Variants in IFT74 observed in about 807,000 individuals in gnomAD.
IFT74 encodes the protein intraflagellar transport 74, also known as intraflagellar transport protein 74 homolog.
A neutral mutation model predicts 96.7 loss-of-function variants in IFT74; 92 were observed. The ratio of observed to expected loss-of-function variants is 0.95; its 90% CI spans 0.80 to 1.13. The LOEUF is 1.13. IFT74 is among the 50% of genes most tolerant of loss of function. The pLI, the probability that IFT74 is intolerant of heterozygous loss-of-function variation, is 0.00. For synonymous variants in IFT74, 223 were observed against 213.2 expected, an observed-to-expected ratio of 1.05 and a Z score of -0.40; for missense variants, 811 against 698.2, an observed-to-expected ratio of 1.16 and a Z score of -1.82.
At chr9:27,005,022 A>G (rs1828696300) in intron 8 of IFT74, among the ~76,000 whole-genome samples, 1 of 152,186 alleles carries the variant, frequency 6.6e-6, no homozygotes, top group Non-Finnish European at 1.5e-5. Flanking sequence ...ATCTAAATGT[A>G]GTTTTTCCAT....
chr9:27,036,815 A>G (rs1289412686), intron 13 of IFT74: 3 of 1,067,788 alleles, frequency 2.8e-6, no homozygotes, highest in African/African-American at 1.7e-5. Context: ...CGTGTGATTT[A>G]CCAAAGTGAC....
chr9:26,967,296 A>G (rs1826667531), intron 2 of IFT74, among the ~76,000 whole-genome samples: 1 of 151,798 alleles, frequency 6.6e-6, no homozygotes, highest in Non-Finnish European at 1.5e-5. Flanking sequence ...TATAGTTTTC[A>G]TTGTAGAGAT....
intron 4 of IFT74, chr9:26,982,451 A>ATTTT (rs56756518): frequency 9.4e-4 from 203 of 215,646 alleles, no homozygotes; most frequent in South Asian, 1.7e-3. Flanking sequence ...TAATTTTTGT[A>ATTTT]TTTTTTTTTT....
chr9:27,019,220 G>A (rs960527620), intron 12 of IFT74, among the ~76,000 whole-genome samples: 7 of 152,056 alleles, frequency 4.6e-5, no homozygotes, highest in Admixed American at 1.3e-4. Flanking sequence ...GCTTCCCAAA[G>A]AGCTGGGATT....
At chr9:27,015,673 A>G (rs554130221) in intron 10 of IFT74, among the ~76,000 whole-genome samples, 1 of 152,166 alleles carries the variant, frequency 6.6e-6, no homozygotes, top group African/African-American at 2.4e-5. Context: ...CCTTCTAAGA[A>G]TTTTATTTTG....
chr9:27,008,512 C>T (rs998749983), intron 8 of IFT74, among the ~76,000 whole-genome samples: 1 of 152,012 alleles, frequency 6.6e-6, no homozygotes, highest in South Asian at 2.1e-4. Flanking sequence ...GTGCCCGCCA[C>T]CACGTGTGGC....
chr9:26,996,470 G>T (rs752426840), intron 8 of IFT74: 4 of 1,520,326 alleles, frequency 2.6e-6, no homozygotes, highest in Non-Finnish European at 3.6e-6. Flanking sequence ...AGGCTGTTGG[G>T]GTAGCTACAC....
chr9:26,985,618 A>T (rs1369410228), intron 6 of IFT74, among the ~76,000 whole-genome samples: 1 of 152,192 alleles, frequency 6.6e-6, no homozygotes, highest in Non-Finnish European at 1.5e-5. Flanking sequence ...CCTCCCCAGA[A>T]ATAACTTGGC....
chr9:26,961,367 C>T (rs541304020), intron 1 of IFT74, among the ~76,000 whole-genome samples: 3 of 151,964 alleles, frequency 2.0e-5, no homozygotes, highest in Non-Finnish European at 2.9e-5. Flanking sequence ...TGGGGTTACA[C>T]GCGTTTGCCA....
At chr9:27,046,387 C>T (rs1819704099) in intron 14 of IFT74, among the ~76,000 whole-genome samples, 1 of 152,052 alleles carries the variant, frequency 6.6e-6, no homozygotes, top group African/African-American at 2.4e-5. Flanking sequence ...TTACAGAAGG[C>T]AAGCTATTGA....
chr9:27,042,805 T>C (rs769268755), intron 13 of IFT74, among the ~76,000 whole-genome samples: 2 of 152,168 alleles, frequency 1.3e-5, no homozygotes, highest in Non-Finnish European at 2.9e-5. Flanking sequence ...GTTCAGGAGA[T>C]AGTAGCTTTT....
rs73436090 is a variant in IFT74 at position 27,029,107 on chromosome 9, A to T, written c.1054+3A>T. On this transcript the variant is annotated splice_donor_region_variant and intron_variant, in intron 13 of 19. Coordinates refer to ENST00000380062, the MANE Select transcript of IFT74 (RefSeq NM_025103.4). ...CATGGATTTAGAGGAACACCAAGGTATGCTTCTGGTATTTTTATAATGTAG... is the reference window on the plus strand; with the variant it reads ...CATGGATTTAGAGGAACACCAAGGTTTGCTTCTGGTATTTTTATAATGTAG... 1,329 of 1,590,868 alleles carry T rather than the reference A, an allele frequency of 8.4e-4. 9 individuals are homozygous for T. In the African/African-American group the frequency reaches 0.016, roughly 19 times the overall value.
rs912437579 is a variant in IFT74 at position 26,969,038 on chromosome 9, C to A, written c.120+6951C>A. ...TGTTTTTCTACTTTTTTAATGTAGG[C>A]ACTTACAGGTATAAACTTTCCTCTT... On this transcript the variant is annotated intron_variant, in intron 2 of 19. Coordinates refer to ENST00000380062, the MANE Select transcript of IFT74 (RefSeq NM_025103.4). Among the ~76,000 whole-genome samples the A allele has an allele frequency of 6.6e-5, 10 of 152,140 alleles. No individual in the cohort carries two copies. The East Asian group carries it at 9.6e-4, about 15-fold the overall frequency.
At chr9:27,009,327 GAATT>G (rs1326473439) in intron 9 of IFT74, among the ~76,000 whole-genome samples, 169 bp downstream of exon 9, 14 of 152,062 alleles carry the variant, frequency 9.2e-5, no homozygotes, top group African/African-American at 3.1e-4. Context: ...CATTTCAGAA[GAATT>G]TATTTAGAAA....
chr9:26,969,424 CTT>C (rs1826783249), intron 2 of IFT74, among the ~76,000 whole-genome samples: 1 of 151,666 alleles, frequency 6.6e-6, no homozygotes, highest in African/African-American at 2.4e-5. Flanking sequence ...TTTTCCCACT[CTT>C]TTGTTTTTAG....
chr9:27,046,793 A>T (rs943968972), intron 14 of IFT74, among the ~76,000 whole-genome samples: 9 of 152,168 alleles, frequency 5.9e-5, no homozygotes, highest in African/African-American at 2.2e-4. Context: ...AGGTCACAGG[A>T]TTTAGGCAGT....
intron 2 of IFT74, among the ~76,000 whole-genome samples, chr9:26,963,930 G>A (rs1826487375): frequency 6.6e-6 from 1 of 151,994 alleles, no homozygotes; most frequent in South Asian, 2.1e-4. Context: ...TCACTCTGAT[G>A]GTAGTTTCTT....
Position 27,047,319 on chromosome 9 carries a change from G to C in IFT74, c.1154G>C (p.Arg385Pro), listed in dbSNP as rs756441000. Residue 385 changes from arginine (R) to proline (P), a missense_variant, in exon 15 of 20, where the codon CGA (arginine) becomes CCA (proline). Transcript: ENST00000380062. The stretch of plus-strand genomic sequence containing the variant: ...GAAACAAAGAATCAGGAACTGAAAC[G>C]AAAGGCACAGATAGAAGCCAACATT... ...FEETKNQELKRKAQIEANIVA... is the reference protein window; with the variant it reads ...FEETKNQELKPKAQIEANIVA... The C allele has an allele frequency of 6.2e-7, 1 of 1,613,418 alleles. No individual in the cohort carries two copies. The highest frequency in any genetic ancestry group is 1.1e-5 in the South Asian group (1 of 91,016).
At chr9:27,022,156 T>G (rs1829636482) in intron 12 of IFT74, among the ~76,000 whole-genome samples, 1 of 152,162 alleles carries the variant, frequency 6.6e-6, no homozygotes, top group South Asian at 2.1e-4. Context: ...TTGGTTTTAT[T>G]TCTGGGTTCT....
Sources: allele counts gnomAD v4.1 joint callset (sites outside exome capture counted in the v4.1 genomes callset), GRCh38; gene constraint gnomAD v4.1.1; transcripts MANE v1.5; gene names NCBI Gene and HGNC (gene_info 2026-07-23, HGNC 2026-07-21).